IL23R: variants seen among roughly 807,000 people sequenced by gnomAD.
The protein encoded by IL23R is interleukin 23 receptor.
Under a neutral mutation model 56.9 loss-of-function variants are expected in IL23R, and 34 were observed. That is an observed-to-expected ratio of 0.60 (90% CI 0.45 to 0.80). The LOEUF is 0.80. Ranked by LOEUF, IL23R falls within the 30% of genes least tolerant of loss-of-function variation. IL23R has a pLI of 0.00. For synonymous variants in IL23R, 230 were observed against 249.2 expected, an observed-to-expected ratio of 0.92 and a Z score of 0.73; for missense variants, 635 against 730.0, an observed-to-expected ratio of 0.87 and a Z score of 1.50.
intron 9 of IL23R, among the ~76,000 whole-genome samples, chr1:67,247,238 C>A (rs1320654960): frequency 6.6e-6 from 1 of 150,922 alleles, no homozygotes; most frequent in African/African-American, 2.4e-5. Context: ...TACAGCACTA[C>A]TGATGGGTCT....
intron 9 of IL23R, among the ~76,000 whole-genome samples, chr1:67,250,594 T>G (rs906108644): frequency 6.6e-6 from 1 of 152,234 alleles, no homozygotes; most frequent in African/African-American, 2.4e-5. Flanking sequence ...ATTTTACCAA[T>G]AATCGTTAAA....
chr1:67,232,825 C>A (rs113781690), intron 7 of IL23R, among the ~76,000 whole-genome samples: 4 of 151,904 alleles, frequency 2.6e-5, no homozygotes, highest in African/African-American at 7.3e-5. Flanking sequence ...CCATGAGTCG[C>A]GGGAGGTAAT....
intron 9 of IL23R, among the ~76,000 whole-genome samples, chr1:67,246,883 C>T (rs1240036577): frequency 1.3e-5 from 2 of 152,114 alleles, no homozygotes; most frequent in South Asian, 4.2e-4. Context: ...TTTTCTGTCT[C>T]GCTGATCTGT....
chr1:67,192,313 GA>G (rs1380284722), intron 4 of IL23R, among the ~76,000 whole-genome samples: 2 of 152,146 alleles, frequency 1.3e-5, no homozygotes, highest in Non-Finnish European at 2.9e-5. Context: ...AAGGTTTTTA[GA>G]AAGTCCTTGG....
At position 67,206,927 on chromosome 1, in the gene IL23R, G is replaced by A. The variant is rs141095761; in HGVS notation, c.670G>A (p.Val224Ile). ...TTTTCTAGTGATACCTTCTGCAGCC[G>A]TCATTTCCAGGGCTGAGACTATAAA... is the stretch of plus-strand genomic sequence containing the variant. ...LDDIVIPSAA[V>I]ISRAETINAT... Residue 224 changes from valine to isoleucine, a missense_variant, in exon 6 of 11, where the codon GTC (valine) becomes ATC (isoleucine). Transcript: ENST00000347310. 3.4e-5 allele frequency: 36 copies of A among 1,049,290 alleles called. No individual in the cohort carries two copies. The highest frequency in any genetic ancestry group is 1.6e-4 in the African/African-American group (9 of 54,946). The allele number at this position is 1,049,290 out of a possible 1,614,324, so 65.0% of individuals were successfully genotyped here. A position where few individuals can be genotyped will look rare whatever the true frequency, so the allele number is the denominator to read the frequency against.
chr1:67,189,215 A>G (rs577178020), intron 4 of IL23R, among the ~76,000 whole-genome samples: 4 of 152,106 alleles, frequency 2.6e-5, no homozygotes, highest in Non-Finnish European at 5.9e-5. Flanking sequence ...TGATTTTTTC[A>G]TTGCTATGTT....
At chr1:67,227,716 C>CCACA (rs1343659234) in intron 7 of IL23R, among the ~76,000 whole-genome samples, 1 of 152,156 alleles carries the variant, frequency 6.6e-6, no homozygotes, top group Non-Finnish European at 1.5e-5. Context: ...TGTGAATTGT[C>CCACA]CACATAGAGA....
chr1:67,176,799 C>A (rs1330052823), intron 3 of IL23R, among the ~76,000 whole-genome samples: 1 of 152,158 alleles, frequency 6.6e-6, no homozygotes. Context: ...TCCCACCACA[C>A]AACTGGCCCC....
intron 3 of IL23R, 119 bp downstream of exon 3, chr1:67,169,757 C>T: frequency 1.0e-6 from 1 of 971,136 alleles, no homozygotes. Context: ...AGATTAGTTT[C>T]ATACAGGAGC....
Position 67,231,464 on chromosome 1 carries a change from T to G in IL23R, c.956-5249T>G, listed in dbSNP as rs1651096459. On this transcript the variant is annotated intron_variant, in intron 7 of 10. Coordinates refer to ENST00000347310, the MANE Select transcript of IL23R (RefSeq NM_144701.3). ...TCATCAAACCTCATGACCTCACTGCTTTTATCTAATTTTACAAATGAAGAA... is the reference window on the plus strand; with the variant it reads ...TCATCAAACCTCATGACCTCACTGCGTTTATCTAATTTTACAAATGAAGAA... 4.6e-5 allele frequency among the ~76,000 whole-genome samples: 7 copies of G among 152,210 alleles called. No homozygotes were observed. In the South Asian group the frequency reaches 1.5e-3, roughly 32 times the overall value.
chr1:67,206,848 C>T, intron 5 of IL23R, 62 bp from the exon 6 acceptor site: 2 of 1,487,600 alleles, frequency 1.3e-6, no homozygotes, highest in Admixed American at 2.4e-5. Flanking sequence ...CGAAAAGATG[C>T]CAGTTTCTCC....
intron 6 of IL23R, among the ~76,000 whole-genome samples, chr1:67,213,217 A>G (rs897052262): frequency 6.6e-5 from 10 of 152,192 alleles, no homozygotes; most frequent in Admixed American, 5.9e-4. Flanking sequence ...ATTCCCATAC[A>G]TAACATGGGG....
intron 8 of IL23R, among the ~76,000 whole-genome samples, chr1:67,238,741 C>T (rs1251304178): frequency 1.3e-5 from 2 of 152,172 alleles, no homozygotes; most frequent in African/African-American, 4.8e-5. Flanking sequence ...GCTGTCTATC[C>T]TCTTCCAGGC....
rs148296100 is a variant in IL23R at position 67,148,543 on chromosome 1, G to C, written c.-634+9382G>C. On this transcript the variant is annotated intron_variant, in intron 1 of 10. Coordinates refer to the IL23R transcript ENST00000637002. ...GTGTGAGCTGAGTTACAAGCCTCGT[G>C]TTTGAAGGTGGGTGTGGTCACCTTC... is the stretch of plus-strand genomic sequence containing the variant. 1.8e-3 allele frequency among the ~76,000 whole-genome samples: 277 copies of C among 152,298 alleles called. 5 individuals are homozygous for C. The East Asian group carries it at 0.049, about 27-fold the overall frequency.
chr1:67,242,808 T>C (rs1271514314), intron 9 of IL23R, among the ~76,000 whole-genome samples: 2 of 152,174 alleles, frequency 1.3e-5, no homozygotes, highest in Non-Finnish European at 2.9e-5. Context: ...TAATCTACTA[T>C]TATAACATCA....
At chr1:67,147,367 T>C (rs1354080875) in intron 1 of IL23R, among the ~76,000 whole-genome samples, 1 of 152,154 alleles carries the variant, frequency 6.6e-6, no homozygotes, top group Non-Finnish European at 1.5e-5. Context: ...TAAAAAAACT[T>C]TGGACTATTG....
chr1:67,200,660 C>G, intron 4 of IL23R, 77 bp from the exon 5 acceptor site: 1 of 1,450,228 alleles, frequency 6.9e-7, no homozygotes. Context: ...GCTAGGATTA[C>G]AGGTGTGAGC....
intron 6 of IL23R, among the ~76,000 whole-genome samples, chr1:67,214,974 C>T (rs1166201555): frequency 2.0e-5 from 3 of 152,150 alleles, no homozygotes; most frequent in African/African-American, 7.2e-5. Flanking sequence ...TGTGAAACTC[C>T]CTGCCCTGTT....
upstream of IL23R, among the ~76,000 whole-genome samples, chr1:67,162,144 A>T (rs539957429): frequency 2.2e-4 from 32 of 144,970 alleles, no homozygotes; most frequent in Middle Eastern, 3.5e-3. Context: ...TCCAATGTTT[A>T]AAAAAAAAAA....
Sources: allele counts gnomAD v4.1 joint callset (sites outside exome capture counted in the v4.1 genomes callset), GRCh38; gene constraint gnomAD v4.1.1; transcripts MANE v1.5; gene names NCBI Gene and HGNC (gene_info 2026-07-23, HGNC 2026-07-21).